Variants in SLC39A12 observed in about 807,000 individuals in gnomAD.
SLC39A12 encodes the protein zinc transporter ZIP12.
In SLC39A12, 63 loss-of-function variants were observed where a neutral mutation model predicts 71.1. The observed-to-expected ratio is 0.89, with a 90% confidence interval of 0.72 to 1.09. The LOEUF is 1.09. SLC39A12 is among the 50% of genes least tolerant of loss of function. SLC39A12 has a pLI of 0.00. For missense variants in SLC39A12, 892 were observed against 812.6 expected, an observed-to-expected ratio of 1.10 and a Z score of -1.19; for synonymous variants, 351 against 301.3, an observed-to-expected ratio of 1.16 and a Z score of -1.71.
At chr10:17,974,798 C>G (rs1347993438) in intron 4 of SLC39A12, among the ~76,000 whole-genome samples, 3 of 152,176 alleles carry the variant, frequency 2.0e-5, no homozygotes, top group Non-Finnish European at 4.4e-5. Flanking sequence ...CCTTGGGACT[C>G]TACAATTAGC....
chr10:18,041,590 CAT>C (rs1554856264), intron 12 of SLC39A12, among the ~76,000 whole-genome samples: 1 of 118,448 alleles, frequency 8.4e-6, no homozygotes, highest in Admixed American at 8.7e-5. Context: ...ATACACACAC[CAT>C]ATATATGTGT....
Position 18,003,206 on chromosome 10 carries a change from A to C in SLC39A12, c.1795A>C (p.Met599Leu), listed in dbSNP as rs752520884. The part of the protein sequence containing the change: ...FAVLLSSGLS[M>L]KTAILMNFIS... The stretch of plus-strand genomic sequence containing the variant: ...CGTGCTCTTAAGCTCTGGACTTTCT[A>C]TGAAGACTGCCATCCTGATGAATTT... The change falls in exon 12 of 13, where the codon ATG (methionine) becomes CTG (leucine). Residue 599 changes from methionine (M) to leucine (L), a missense_variant. Coordinates refer to ENST00000377369, the MANE Select transcript of SLC39A12 (RefSeq NM_001145195.2). 24 of 1,614,006 alleles carry C rather than the reference A, an allele frequency of 1.5e-5. No homozygotes were observed. The highest frequency in any genetic ancestry group is 2.0e-5 in the Non-Finnish European group (24 of 1,180,024).
intron 12 of SLC39A12, among the ~76,000 whole-genome samples, chr10:18,023,540 C>A (rs1355448104): frequency 2.6e-5 from 4 of 151,622 alleles, no homozygotes; most frequent in African/African-American, 7.3e-5. Context: ...AAAGCCACTG[C>A]CAATGGGAAT....
chr10:17,955,175 C>A (rs915239167), intron 2 of SLC39A12, among the ~76,000 whole-genome samples: 15 of 152,214 alleles, frequency 9.9e-5, no homozygotes, highest in African/African-American at 2.6e-4. Context: ...GGTAAATATG[C>A]AAAATTGTTC....
chr10:17,957,728 C>A (rs564946641), intron 2 of SLC39A12, among the ~76,000 whole-genome samples: 1 of 152,238 alleles, frequency 6.6e-6, no homozygotes, highest in South Asian at 2.1e-4. Flanking sequence ...CCCAGTAGAG[C>A]TTTTTGTCAT....
At chr10:18,012,485 G>T (rs182768910) in intron 12 of SLC39A12, among the ~76,000 whole-genome samples, 108 of 152,240 alleles carry the variant, frequency 7.1e-4, no homozygotes, top group African/African-American at 2.5e-3. Context: ...GGTCAGCAAG[G>T]TTCATTAAAA....
chr10:18,000,613 G>T, intron 10 of SLC39A12, 54 bp from the exon 11 acceptor site: 1 of 1,564,884 alleles, frequency 6.4e-7, no homozygotes, highest in Admixed American at 1.7e-5. Context: ...GAAGGATTTG[G>T]TGAAATATGT....
At chr10:17,995,780 G>A (rs1835668893) in intron 10 of SLC39A12, 58 bp downstream of exon 10, 2 of 1,459,750 alleles carry the variant, frequency 1.4e-6, no homozygotes, top group African/African-American at 1.4e-5. Flanking sequence ...AGTTATGTCT[G>A]TTTTAAAATA....
chr10:18,003,239 T>A lies in SLC39A12; in HGVS notation c.1828T>A (p.Ser610Thr). Reference sequence around the variant, plus strand: ...TGCCATCCTGATGAATTTTATAAGCTCCCTAACTGCCTTCATGGGATTATA... The same window carrying A: ...TGCCATCCTGATGAATTTTATAAGCACCCTAACTGCCTTCATGGGATTATA... Reference protein sequence around the residue: ...KTAILMNFISSLTAFMGLYIG... With the variant: ...KTAILMNFISTLTAFMGLYIG... Residue 610 changes from serine (S) to threonine (T), a missense_variant, in exon 12 of 13, where the codon TCC becomes ACC. Ser to Thr is a moderately conservative substitution (Grantham distance 58, BLOSUM62 1). Coordinates refer to ENST00000377369, the MANE Select transcript of SLC39A12 (RefSeq NM_001145195.2). The A allele has an allele frequency of 6.2e-7, 1 of 1,614,152 alleles. No homozygotes were observed. The highest frequency in any genetic ancestry group is 8.5e-7 in the Non-Finnish European group (1 of 1,179,992).
chr10:17,962,745 T>C (rs1478410180), intron 3 of SLC39A12, among the ~76,000 whole-genome samples: 2 of 152,210 alleles, frequency 1.3e-5, no homozygotes, highest in Non-Finnish European at 2.9e-5. Flanking sequence ...TTTCTTTTAT[T>C]GGCAGAGCAA....
At chr10:18,040,135 A>T (rs983624855) in intron 12 of SLC39A12, among the ~76,000 whole-genome samples, 4 of 152,188 alleles carry the variant, frequency 2.6e-5, no homozygotes, top group Non-Finnish European at 4.4e-5. Context: ...TTGCTAAGTC[A>T]CTTTACTACA....
At chr10:17,979,332 A>G (rs546954369) in intron 5 of SLC39A12, among the ~76,000 whole-genome samples, 25 of 152,354 alleles carry the variant, frequency 1.6e-4, no homozygotes, top group African/African-American at 5.8e-4. Context: ...AGAAGTTTGT[A>G]ATAGAATAAC....
intron 11 of SLC39A12, among the ~76,000 whole-genome samples, 199 bp downstream of exon 11, chr10:18,001,024 T>C (rs946000425): frequency 6.6e-6 from 1 of 152,174 alleles, no homozygotes; most frequent in Non-Finnish European, 1.5e-5. Flanking sequence ...GTTAAACTCC[T>C]TTATGATGTT....
intron 4 of SLC39A12, among the ~76,000 whole-genome samples, chr10:17,974,445 G>A (rs1283432992): frequency 6.6e-6 from 1 of 152,172 alleles, no homozygotes; most frequent in African/African-American, 2.4e-5. Context: ...TTAGGTGTAT[G>A]ATCTATGCTG....
In SLC39A12 at chr10:18,022,471, T is replaced by C. The variant is rs576464435; in HGVS notation, c.1947+19113T>C. ...GAAATTTATATAGTGAGTTTTTCAG[T>C]TCTATCAGCTCACTTTTGTTCTTTC... is the stretch of plus-strand genomic sequence containing the variant. On this transcript the variant is annotated intron_variant, in intron 12 of 12. Transcript: ENST00000377369. Among the ~76,000 whole-genome samples, 3 of 152,340 alleles carry C rather than the reference T, an allele frequency of 2.0e-5. No individual in the cohort carries two copies. The South Asian group carries it at 6.2e-4, about 32-fold the overall frequency.
intron 8 of SLC39A12, among the ~76,000 whole-genome samples, chr10:17,992,583 C>G (rs1835582021): frequency 6.6e-6 from 1 of 151,962 alleles, no homozygotes; most frequent in Admixed American, 6.5e-5. Flanking sequence ...CCACTTATAC[C>G]CAATGGATTA....
At chr10:17,958,361 G>A (rs1184139647) in intron 2 of SLC39A12, among the ~76,000 whole-genome samples, 2 of 152,046 alleles carry the variant, frequency 1.3e-5, no homozygotes, top group Non-Finnish European at 2.9e-5. Context: ...AACAACCTGA[G>A]TAGCACTTGA....
intron 12 of SLC39A12, among the ~76,000 whole-genome samples, chr10:18,017,075 A>T (rs906202577): frequency 6.6e-6 from 1 of 152,080 alleles, no homozygotes; most frequent in African/African-American, 2.4e-5. Context: ...ATGCTCCTGG[A>T]TTGCAATCCT....
At chr10:17,990,847 A>C (rs781610881) in intron 7 of SLC39A12, among the ~76,000 whole-genome samples, 6 of 152,228 alleles carry the variant, frequency 3.9e-5, no homozygotes, top group African/African-American at 7.2e-5. Flanking sequence ...AGTTTGTGTG[A>C]AAATCTAGGG....
Sources: gnomAD v4.1 joint callset for allele counts (sites outside exome capture counted in the v4.1 genomes callset) on GRCh38, gnomAD v4.1.1 for gene constraint, MANE v1.5 for transcripts, NCBI Gene and HGNC (gene_info 2026-07-23, HGNC 2026-07-21) for gene names.